The following SEC14L5 variants were observed in gnomAD, a reference collection of about 807,000 sequenced individuals.
SEC14L5 encodes SEC14 like lipid binding 5.
A neutral mutation model predicts 84.6 loss-of-function variants in SEC14L5; 96 were observed. The ratio of observed to expected loss-of-function variants is 1.13; its 90% CI spans 0.96 to 1.34. The LOEUF is 1.34. Ranked by LOEUF, SEC14L5 falls within the 40% of genes most tolerant of loss-of-function variation. The pLI, the probability that SEC14L5 is intolerant of heterozygous loss-of-function variation, is 0.00. For missense variants in SEC14L5, 1,224 were observed against 942.5 expected (o/e 1.30, Z -3.91); for synonymous variants, 546 against 383.4 (o/e 1.42, Z -4.95).
chr16:4,988,862 C>A (rs1356848124), intron 4 of SEC14L5, among the ~76,000 whole-genome samples: 1 of 152,244 alleles, frequency 6.6e-6, no homozygotes, highest in East Asian at 1.9e-4. Flanking sequence ...GACCAGGCTG[C>A]CTGACCACTG....
At chr16:5,006,950 T>A (rs969682883) in intron 12 of SEC14L5, among the ~76,000 whole-genome samples, 1 of 151,994 alleles carries the variant, frequency 6.6e-6, no homozygotes, top group Non-Finnish European at 1.5e-5. Context: ...CAGTGACTGT[T>A]CCACCCCCGC....
chr16:4,958,972 G>T (rs778353309), intron 1 of SEC14L5, among the ~76,000 whole-genome samples: 4 of 151,914 alleles, frequency 2.6e-5, no homozygotes, highest in Non-Finnish European at 4.4e-5. Context: ...GCAAATGTGT[G>T]TGTGTCTGTG....
chr16:4,987,945 G>A (rs913927200), intron 3 of SEC14L5, among the ~76,000 whole-genome samples: 4 of 152,116 alleles, frequency 2.6e-5, no homozygotes, highest in African/African-American at 9.7e-5. Context: ...CGGGGCCAGG[G>A]CCGGAGCTGG....
At chr16:4,966,985 C>T (rs1055898977) in intron 2 of SEC14L5, among the ~76,000 whole-genome samples, 1 of 152,186 alleles carries the variant, frequency 6.6e-6, no homozygotes, top group Non-Finnish European at 1.5e-5. Flanking sequence ...CCCTTTAGGC[C>T]AGCTCAGAGG....
At chr16:4,992,101 TGG>T (rs952686929) in intron 6 of SEC14L5, 71 bp downstream of exon 6, 2 of 1,072,718 alleles carry the variant, frequency 1.9e-6, no homozygotes, top group African/African-American at 3.2e-5. Flanking sequence ...TGGGGGGCCC[TGG>T]GGCATGTTGG....
chr16:4,972,829 A>T (rs1191288021), intron 2 of SEC14L5, among the ~76,000 whole-genome samples: 2 of 152,168 alleles, frequency 1.3e-5, no homozygotes, highest in Non-Finnish European at 2.9e-5. Context: ...TTAAGTCTCC[A>T]TTGGTTTGCT....
At chr16:4,995,504 G>A (rs1252719988) in intron 6 of SEC14L5, among the ~76,000 whole-genome samples, 1 of 152,166 alleles carries the variant, frequency 6.6e-6, no homozygotes, top group Non-Finnish European at 1.5e-5. Flanking sequence ...TGGGGATGGG[G>A]CAAAGCAAAG....
intron 12 of SEC14L5, among the ~76,000 whole-genome samples, chr16:5,006,559 TG>T (rs1225221519): frequency 6.6e-6 from 1 of 152,148 alleles, no homozygotes; most frequent in Non-Finnish European, 1.5e-5. Flanking sequence ...AATGACAGGC[TG>T]GGGTGATCCT....
At chr16:4,994,545 T>C (rs539181881) in intron 6 of SEC14L5, among the ~76,000 whole-genome samples, 1 of 152,276 alleles carries the variant, frequency 6.6e-6, no homozygotes, top group African/African-American at 2.4e-5. Context: ...GGTTTCACCA[T>C]GTTGGCCATG....
At chr16:4,983,039 G>T (rs1424887052) in intron 2 of SEC14L5, among the ~76,000 whole-genome samples, 12 of 152,084 alleles carry the variant, frequency 7.9e-5, no homozygotes, top group African/African-American at 2.9e-4. Flanking sequence ...GCCTGGCTCT[G>T]TTGCCCAGGC....
intron 7 of SEC14L5, 26 bp from the exon 8 acceptor site, chr16:4,996,829 G>A (rs1163090878): frequency 3.8e-6 from 6 of 1,588,976 alleles, no homozygotes; most frequent in Non-Finnish European, 5.2e-6. Flanking sequence ...ACCGTTCTGT[G>A]GGCTTTTTAC....
chr16:4,970,816 A>G (rs1955266910), intron 2 of SEC14L5, among the ~76,000 whole-genome samples: 1 of 152,228 alleles, frequency 6.6e-6, no homozygotes. Context: ...GGAACCAGTA[A>G]GAACTAGACC....
intron 4 of SEC14L5, among the ~76,000 whole-genome samples, chr16:4,989,362 T>C (rs1955528786): frequency 6.7e-6 from 1 of 149,870 alleles, no homozygotes. Context: ...AGAGACAGTC[T>C]CGCTCTGTGG....
At chr16:4,959,200 C>A in intron 1 of SEC14L5, 73 bp from the exon 2 acceptor site, 1 of 744,144 alleles carries the variant, frequency 1.3e-6, no homozygotes, top group South Asian at 1.5e-5. Flanking sequence ...GGGGCTGCCC[C>A]TTACACTTGG....
chr16:4,975,846 A>G (rs1394586634), intron 2 of SEC14L5, among the ~76,000 whole-genome samples: 3 of 152,188 alleles, frequency 2.0e-5, no homozygotes, highest in African/African-American at 7.2e-5. Flanking sequence ...GTGGCTGCGT[A>G]GTGGCCAGGC....
chr16:4,960,905 C>G (rs1955113061), intron 2 of SEC14L5, among the ~76,000 whole-genome samples: 1 of 152,104 alleles, frequency 6.6e-6, no homozygotes, highest in Non-Finnish European at 1.5e-5. Context: ...GTGAAGAGAT[C>G]CAGGGACGTG....
intron 2 of SEC14L5, among the ~76,000 whole-genome samples, chr16:4,972,833 G>A (rs1955297061): frequency 6.6e-6 from 1 of 152,092 alleles, no homozygotes; most frequent in African/African-American, 2.4e-5. Flanking sequence ...GTCTCCATTG[G>A]TTTGCTCTTG....
chr16:5,010,247 C>A (rs1305592534), intron 14 of SEC14L5, among the ~76,000 whole-genome samples: 1 of 148,664 alleles, frequency 6.7e-6, no homozygotes, highest in Admixed American at 6.7e-5. Context: ...GCCTGTAATC[C>A]CAGCTACTCG....
chr16:4,994,724 T>C (rs1047622033), intron 6 of SEC14L5, among the ~76,000 whole-genome samples: 9 of 151,674 alleles, frequency 5.9e-5, no homozygotes, highest in African/African-American at 2.4e-5. Flanking sequence ...TGCCCCCTCC[T>C]GTGCACGCTC....
Sources: gnomAD v4.1 joint callset for allele counts (sites outside exome capture counted in the v4.1 genomes callset) on GRCh38, gnomAD v4.1.1 for gene constraint, MANE v1.5 for transcripts, NCBI Gene and HGNC (gene_info 2026-07-23, HGNC 2026-07-21) for gene names.